Variants in KIAA0586 observed in about 807,000 individuals in gnomAD.
KIAA0586 encodes KIAA0586.
In KIAA0586, 144 loss-of-function variants were observed where a neutral mutation model predicts 169.8. The observed-to-expected ratio is 0.85, with a 90% CI of 0.74 to 0.97. The LOEUF is 0.97. Among genes scored for constraint, KIAA0586 ranks in the 50% least tolerant of loss-of-function variants. The probability of loss-of-function intolerance (pLI) is 0.00; values close to 1 mark genes in which losing one functional copy is unlikely to be tolerated. For synonymous variants in KIAA0586, 625 were observed against 612.4 expected (o/e 1.02, Z -0.30); for missense variants, 1,854 against 1,823.0 (o/e 1.02, Z -0.31).
At chr14:58,544,026 C>T (rs1214514225) in intron 30 of KIAA0586, 5 of 424,850 alleles carry the variant, frequency 1.2e-5, no homozygotes, top group Non-Finnish European at 2.3e-5. Flanking sequence ...TCTCACCCTC[C>T]AGTCTCAAGT....
chr14:58,507,792 T>G (rs1382637286), intron 27 of KIAA0586, among the ~76,000 whole-genome samples: 1 of 151,970 alleles, frequency 6.6e-6, no homozygotes, highest in Non-Finnish European at 1.5e-5. Flanking sequence ...ATTTATTTAT[T>G]TATTTATTTA....
At chr14:58,474,261 A>AT (rs952970654) in intron 18 of KIAA0586, among the ~76,000 whole-genome samples, 6 of 152,334 alleles carry the variant, frequency 3.9e-5, no homozygotes, top group Non-Finnish European at 8.8e-5. Flanking sequence ...TATCCAAACC[A>AT]TATCAGGAAG....
At chr14:58,528,892 T>A (rs990267104) in intron 29 of KIAA0586, among the ~76,000 whole-genome samples, 1 of 151,870 alleles carries the variant, frequency 6.6e-6, no homozygotes, top group African/African-American at 2.4e-5. Flanking sequence ...CACAAAACCC[T>A]TAAAAAAATC....
intron 27 of KIAA0586, among the ~76,000 whole-genome samples, chr14:58,499,887 A>G (rs2043435767): frequency 6.6e-6 from 1 of 152,232 alleles, no homozygotes; most frequent in South Asian, 2.1e-4. Context: ...TGTACTAGAA[A>G]AATATAACGA....
intron 19 of KIAA0586, among the ~76,000 whole-genome samples, chr14:58,476,743 C>G (rs539167651): frequency 8.7e-4 from 131 of 149,984 alleles, no homozygotes; most frequent in African/African-American, 3.0e-3. Context: ...TCACAGCTCA[C>G]TGCAGCCTCA....
chr14:58,510,705 A>G (rs1256599977), intron 28 of KIAA0586, among the ~76,000 whole-genome samples: 1 of 152,240 alleles, frequency 6.6e-6, no homozygotes, highest in African/African-American at 2.4e-5. Context: ...TGTAGTAACC[A>G]AAAACTGAAA....
At chr14:58,519,489 A>G (rs561893568) in intron 29 of KIAA0586, among the ~76,000 whole-genome samples, 1 of 152,354 alleles carries the variant, frequency 6.6e-6, no homozygotes, top group East Asian at 1.9e-4. Flanking sequence ...AATTTAGAAA[A>G]TGAAGATCTG....
rs377014142 is a variant in KIAA0586 at position 58,504,100 on chromosome 14, G to A, written c.4169-4455G>A. 9.2e-5 allele frequency among the ~76,000 whole-genome samples: 14 copies of A among 152,288 alleles called. 1 individual carries two copies. The South Asian group carries it at 2.1e-3, about 23-fold the overall frequency. On this transcript the variant is annotated intron_variant, in intron 27 of 30. Coordinates refer to ENST00000652326, the MANE Select transcript of KIAA0586 (RefSeq NM_001329943.3). ...TCTGTTAAAGATTGTAAGTAAATGA[G>A]TGATGTGATCATATTTACCTTTTAT...
chr14:58,547,156 A>T (rs994805543), intron 30 of KIAA0586, among the ~76,000 whole-genome samples: 9 of 49,294 alleles, frequency 1.8e-4, no homozygotes, highest in African/African-American at 6.4e-4. Context: ...TACCTCTTTT[A>T]AAAAAAAAAA....
intron 29 of KIAA0586, among the ~76,000 whole-genome samples, chr14:58,515,411 C>T (rs1256962897): frequency 6.6e-6 from 1 of 152,104 alleles, no homozygotes; most frequent in African/African-American, 2.4e-5. Flanking sequence ...ATAGCTGTGA[C>T]AATAACTTTA....
chr14:58,445,716 G>T (rs1273596895), intron 6 of KIAA0586, among the ~76,000 whole-genome samples: 3 of 150,416 alleles, frequency 2.0e-5, no homozygotes. Context: ...TTACAGACGT[G>T]AGCCACTGTG....
chr14:58,478,198 G>A (rs1193684404), intron 20 of KIAA0586, among the ~76,000 whole-genome samples: 1 of 152,078 alleles, frequency 6.6e-6, no homozygotes, highest in African/African-American at 2.4e-5. Flanking sequence ...AATCATTTTG[G>A]GTCCAGGCAC....
At chr14:58,479,340 A>G (rs974492011) in intron 20 of KIAA0586, among the ~76,000 whole-genome samples, 2 of 152,182 alleles carry the variant, frequency 1.3e-5, no homozygotes, top group African/African-American at 4.8e-5. Context: ...AAATCTCTTT[A>G]AATCATTTGA....
intron 30 of KIAA0586, 54 bp from the exon 31 acceptor site, chr14:58,547,727 A>G: frequency 6.6e-7 from 1 of 1,517,872 alleles, no homozygotes. Flanking sequence ...AGCATAAAGC[A>G]CGTAAATACT....
At chr14:58,458,728 T>C (rs770678196) in intron 12 of KIAA0586, among the ~76,000 whole-genome samples, 183 bp downstream of exon 12, 4 of 152,220 alleles carry the variant, frequency 2.6e-5, no homozygotes, top group Non-Finnish European at 4.4e-5. Context: ...AAGTATATTA[T>C]CTCCACTTAT....
chr14:58,458,311 G>A (rs143615574), intron 11 of KIAA0586, among the ~76,000 whole-genome samples, 162 bp from the exon 12 acceptor site: 270 of 152,148 alleles, frequency 1.8e-3, no homozygotes, highest in Admixed American at 3.5e-3. Context: ...CTTTTCAGAT[G>A]AAGGATATTA....
chr14:58,539,967 C>G, intron 29 of KIAA0586, 104 bp from the exon 30 acceptor site: 1 of 656,486 alleles, frequency 1.5e-6, no homozygotes, highest in Non-Finnish European at 2.6e-6. Context: ...ATGAGAATAA[C>G]GGTGGGAGTG....
At position 58,519,058 on chromosome 14, in the gene KIAA0586, G is replaced by C. The variant is rs551414367; in HGVS notation, c.4429+6431G>C. On this transcript the variant is annotated intron_variant, in intron 29 of 30. Transcript: ENST00000652326. ...GAGACATGAGAATTGCTTAAGCCTA[G>C]GAGGCGGAGGTTGCAGTGAGCTGAG... 2.0e-5 allele frequency among the ~76,000 whole-genome samples: 3 copies of C among 152,324 alleles called. No homozygotes were observed. The East Asian group carries it at 5.8e-4, about 29-fold the overall frequency.
intron 29 of KIAA0586, among the ~76,000 whole-genome samples, chr14:58,537,693 G>GC (rs1310342822): frequency 1.3e-5 from 2 of 151,614 alleles, no homozygotes; most frequent in Non-Finnish European, 2.9e-5. Flanking sequence ...TGTCACCCAC[G>GC]CTGGAGTGCA....
Sources: gnomAD v4.1 joint callset for allele counts (sites outside exome capture counted in the v4.1 genomes callset) on GRCh38, gnomAD v4.1.1 for gene constraint, MANE v1.5 for transcripts, NCBI Gene and HGNC (gene_info 2026-07-23, HGNC 2026-07-21) for gene names.